The following TENM4 variants were observed in gnomAD, a reference collection of about 807,000 sequenced individuals.
TENM4 encodes the protein teneurin transmembrane protein 4, also known as teneurin-4.
Under a neutral mutation model 243.3 loss-of-function variants are expected in TENM4, and 82 were observed. The observed-to-expected ratio is 0.34, with a 90% confidence interval of 0.28 to 0.40. TENM4 has a LOEUF of 0.40. TENM4 is among the 10% of genes least tolerant of loss of function. The pLI is 1.00. For synonymous variants in TENM4, 1,412 were observed against 1,456.3 expected, an observed-to-expected ratio of 0.97 and a Z score of 0.69; for missense variants, 3,138 against 3,673.3, an observed-to-expected ratio of 0.85 and a Z score of 3.77.
At chr11:79,284,448 C>T (rs1856212997) in intron 2 of TENM4, among the ~76,000 whole-genome samples, 2 of 152,118 alleles carry the variant, frequency 1.3e-5, no homozygotes. Context: ...CAAGACAATT[C>T]AATAAGAAAG....
chr11:78,929,465 A>G (rs529203614), intron 6 of TENM4, among the ~76,000 whole-genome samples: 2 of 152,298 alleles, frequency 1.3e-5, no homozygotes, highest in South Asian at 4.1e-4. Flanking sequence ...TTCAGAAGAG[A>G]GACAAGAAGG....
chr11:78,908,157 C>T (rs1035717847), intron 6 of TENM4, among the ~76,000 whole-genome samples: 17 of 152,290 alleles, frequency 1.1e-4, no homozygotes, highest in African/African-American at 4.1e-4. Context: ...CTGGGCAGAG[C>T]CGTATGTAAG....
chr11:78,869,469 C>A (rs1290452054), intron 9 of TENM4, among the ~76,000 whole-genome samples: 1 of 150,544 alleles, frequency 6.6e-6, no homozygotes, highest in African/African-American at 2.4e-5. Flanking sequence ...AAAAGGAAGC[C>A]TCCAACTTAG....
rs887992589 is a variant in TENM4 at position 78,903,438 on chromosome 11, G to C, written c.579C>G (p.His193Gln). 2.6e-6 allele frequency: 4 copies of C among 1,548,098 alleles called. No homozygotes were observed. Among genetic ancestry groups the C allele is most frequent in the Non-Finnish European group, 3.5e-6 (4 of 1,145,408 alleles). ...LSHAHTPNQH[H>Q]AASINSLNRG... ...GGTTCAGGGAGTTAATGGAGGCCGC[G>C]TGGTGCTGGTTGGGGGTGTGGGCGT... is the stretch of plus-strand genomic sequence containing the variant. Residue 193 changes from histidine to glutamine, a missense_variant, in exon 7 of 34, where the codon CAC (histidine) becomes CAG (glutamine). By Grantham distance (24) the His-to-Gln change is conservative. This residue lies in a region of TENM4 where 671 missense variants were observed against 614.1 expected (regional missense o/e 1.09). Transcript: ENST00000278550.
intron 2 of TENM4, among the ~76,000 whole-genome samples, chr11:79,261,018 T>C (rs1855786696): frequency 1.3e-5 from 2 of 152,324 alleles, no homozygotes; most frequent in African/African-American, 2.4e-5. Flanking sequence ...CCAAGTCAAT[T>C]TGTGATAACC....
intron 3 of TENM4, among the ~76,000 whole-genome samples, chr11:79,190,177 C>A (rs962401664): frequency 2.0e-5 from 3 of 152,230 alleles, no homozygotes; most frequent in African/African-American, 7.2e-5. Flanking sequence ...GTAGACCTCA[C>A]CACCACGGCA....
chr11:79,304,091 C>T (rs1294131483), intron 1 of TENM4, among the ~76,000 whole-genome samples: 1 of 152,262 alleles, frequency 6.6e-6, no homozygotes. Context: ...GCTTCACCTA[C>T]CAGGAGGGCT....
At chr11:79,102,991 T>A (rs1360769893) in intron 4 of TENM4, among the ~76,000 whole-genome samples, 1 of 152,214 alleles carries the variant, frequency 6.6e-6, no homozygotes, top group South Asian at 2.1e-4. Flanking sequence ...TCTTTCCAAG[T>A]CTCTAGTCCC....
At chr11:79,075,998 T>A (rs890028957) in intron 4 of TENM4, among the ~76,000 whole-genome samples, 1 of 152,206 alleles carries the variant, frequency 6.6e-6, no homozygotes, top group Non-Finnish European at 1.5e-5. Context: ...CAGTGACAAA[T>A]GCTTTGATAA....
chr11:79,439,485 G>T (rs901431702), intron 1 of TENM4, among the ~76,000 whole-genome samples: 1 of 152,084 alleles, frequency 6.6e-6, no homozygotes, highest in Non-Finnish European at 1.5e-5. Flanking sequence ...CAAAGTTAAG[G>T]ACCACGCAGC....
Position 79,254,134 on chromosome 11 carries a change from C to T in TENM4, c.-264-38225G>A, listed in dbSNP as rs563806571. 3.3e-5 allele frequency among the ~76,000 whole-genome samples: 5 copies of T among 152,260 alleles called. No homozygotes were observed. The South Asian group carries it at 6.2e-4, about 19-fold the overall frequency. On this transcript the variant is annotated intron_variant, in intron 2 of 33. Coordinates refer to ENST00000278550, the MANE Select transcript of TENM4 (RefSeq NM_001098816.3). ...GGTCAATTTGGCAATCAATACCTAT[C>T]AAAATTTAAAACTTTTTGGCTCATT...
At chr11:78,973,076 T>C (rs1857578731) in intron 6 of TENM4, among the ~76,000 whole-genome samples, 1 of 152,278 alleles carries the variant, frequency 6.6e-6, no homozygotes, top group African/African-American at 2.4e-5. Flanking sequence ...TTATCCATTA[T>C]GAAACTTGGG....
At chr11:79,147,067 A>G (rs17828048) in intron 4 of TENM4, among the ~76,000 whole-genome samples, 28,831 of 152,142 alleles carry the variant, frequency 0.19, 2,828 homozygotes, top group South Asian at 0.23. Flanking sequence ...TCACTCAGAA[A>G]TCAGTGGGGC....
At chr11:79,069,461 CTG>C (rs1169317013) in intron 5 of TENM4, among the ~76,000 whole-genome samples, 1 of 152,218 alleles carries the variant, frequency 6.6e-6, no homozygotes, top group Non-Finnish European at 1.5e-5. Context: ...TAGACAAACA[CTG>C]GAGCCCAGCT....
intron 18 of TENM4, among the ~76,000 whole-genome samples, chr11:78,768,924 C>T (rs1023770577): frequency 6.6e-5 from 10 of 152,346 alleles, no homozygotes; most frequent in Non-Finnish European, 8.8e-5. Context: ...AAAGGATACA[C>T]TTGAATTGCA....
chr11:79,324,626 A>G (rs1390752314), intron 1 of TENM4, among the ~76,000 whole-genome samples: 1 of 152,210 alleles, frequency 6.6e-6, no homozygotes, highest in South Asian at 2.1e-4. Flanking sequence ...ATACGGATAT[A>G]GATATAGATA....
chr11:79,203,708 C>G (rs1255558151), intron 3 of TENM4, among the ~76,000 whole-genome samples: 2 of 152,194 alleles, frequency 1.3e-5, no homozygotes, highest in South Asian at 2.1e-4. Context: ...TGGCATAGTA[C>G]AGTCTCTAAT....
chr11:79,156,763 G>T (rs981434573), intron 3 of TENM4, among the ~76,000 whole-genome samples: 1 of 152,172 alleles, frequency 6.6e-6, no homozygotes, highest in Non-Finnish European at 1.5e-5. Context: ...CTGGGACAAA[G>T]AAAAAATAAT....
At position 79,030,625 on chromosome 11, in the gene TENM4, G is replaced by A. The variant is rs113165757; in HGVS notation, c.493+34113C>T. On this transcript the variant is annotated intron_variant, in intron 6 of 33. Transcript: ENST00000278550. ...TTCCTCGAGCTGCATGCCAAGCAGA[G>A]TGAAGCCGTGTGCTGCTCAGGCAGG... Among the ~76,000 whole-genome samples the A allele has an allele frequency of 1.9e-3, 296 of 152,212 alleles. 2 individuals are homozygous for A. Among genetic ancestry groups the A allele is most frequent in the African/African-American group, 6.9e-3 (285 of 41,532 alleles).
Sources: allele counts gnomAD v4.1 joint callset (sites outside exome capture counted in the v4.1 genomes callset), GRCh38; gene constraint gnomAD v4.1.1; regional missense constraint gnomAD v4.1.1; transcripts MANE v1.5; gene names NCBI Gene and HGNC (gene_info 2026-07-23, HGNC 2026-07-21).